PRPF3: variants seen among roughly 807,000 people sequenced by gnomAD.
The protein encoded by PRPF3 is pre-mRNA processing factor 3, also known as U4/U6 small nuclear ribonucleoprotein Prp3.
Under a neutral mutation model 89.2 loss-of-function variants are expected in PRPF3, and 3 were observed. The observed-to-expected ratio is 0.03, with a 90% CI of 0.02 to 0.09. The LOEUF (loss-of-function observed/expected upper bound fraction) is 0.09, where lower values mean the gene tolerates loss of function less well. Ranked by LOEUF, PRPF3 falls within the 10% of genes least tolerant of loss-of-function variation. The pLI, the probability that PRPF3 is intolerant of heterozygous loss-of-function variation, is 1.00. For synonymous variants in PRPF3, 270 were observed against 289.1 expected (o/e 0.93, Z 0.67); for missense variants, 463 against 828.8 (o/e 0.56, Z 5.42).
At chr1:150,328,188 C>T (rs1553864326) in intron 3 of PRPF3, 132 bp from the exon 4 acceptor site, 2 of 989,620 alleles carry the variant, frequency 2.0e-6, no homozygotes, top group African/African-American at 1.6e-5. Flanking sequence ...CTGCTTCTGG[C>T]AGGTGGCTAT....
At position 150,325,736 on chromosome 1, in the gene PRPF3, C is replaced by CT. The variant is rs781950649; in HGVS notation, c.146-12dup. On this transcript the variant is annotated splice_polypyrimidine_tract_variant and intron_variant, in intron 2 of 15. Transcript: ENST00000324862. The stretch of plus-strand genomic sequence containing the variant: ...CTTACCTTTCCAACCCTACCACCGC[C>CT]TTTCTTCCTGTCAGATCATCTGAAA... The CT allele has an allele frequency of 1.7e-5, 27 of 1,611,008 alleles. No homozygotes were observed. The South Asian group carries it at 1.9e-4, about 11-fold the overall frequency.
intron 8 of PRPF3, 144 bp downstream of exon 8, chr1:150,338,470 G>T: frequency 2.8e-6 from 2 of 723,220 alleles, no homozygotes; most frequent in Non-Finnish European, 4.5e-6. Context: ...ATCCAAGAGA[G>T]ATAAGTAACT....
chr1:150,351,666 A>AATTT (rs1658939743), intron 15 of PRPF3, among the ~76,000 whole-genome samples: 2 of 87,154 alleles, frequency 2.3e-5, no homozygotes, highest in South Asian at 7.4e-4. Flanking sequence ...GTGCCTGGCT[A>AATTT]ATTTTTTTTT....
rs1553868450 is a variant in PRPF3 at position 150,337,762 on chromosome 1, T to TCAAA, written c.1036-398_1036-397insCAAA. ...CTGGGTGACAGAGTGAGACTCCGTCTACAAAAAAAAAAAAAAATATTTGGG... is the reference window on the plus strand; with the variant it reads ...CTGGGTGACAGAGTGAGACTCCGTCTCAAAACAAAAAAAAAAAAAAATATTTGGG... On this transcript the variant is annotated intron_variant, in intron 7 of 15. Coordinates refer to ENST00000324862, the MANE Select transcript of PRPF3 (RefSeq NM_004698.4). Among the ~76,000 whole-genome samples the TCAAA allele has an allele frequency of 1.8e-5, 2 of 110,456 alleles. 1 individual carries two copies. Among genetic ancestry groups the TCAAA allele is most frequent in the Non-Finnish European group, 3.6e-5 (2 of 55,786 alleles). 72.5% of individuals were successfully genotyped at this position (110,456 alleles called of 152,430 possible). A position where few individuals can be genotyped will look rare whatever the true frequency, so the allele number is the denominator to read the frequency against.
chr1:150,328,516 A>G, intron 4 of PRPF3, 50 bp downstream of exon 4: 1 of 1,534,508 alleles, frequency 6.5e-7, no homozygotes. Flanking sequence ...TTGAAGAAGC[A>G]AAAGGTGCAT....
At chr1:150,331,807 C>T (rs1391116296) in intron 4 of PRPF3, among the ~76,000 whole-genome samples, 1 of 152,174 alleles carries the variant, frequency 6.6e-6, no homozygotes, top group Non-Finnish European at 1.5e-5. Flanking sequence ...ACCCTCAAAG[C>T]TTATCATTCT....
intron 15 of PRPF3, among the ~76,000 whole-genome samples, chr1:150,350,319 G>C (rs970279406): frequency 6.6e-6 from 1 of 151,464 alleles, no homozygotes; most frequent in South Asian, 2.1e-4. Flanking sequence ...CTCCTGCCTC[G>C]GCCTCCCGAG....
intron 9 of PRPF3, 59 bp from the exon 10 acceptor site, chr1:150,343,242 AAAAAAAAT>A: frequency 4.1e-6 from 3 of 726,040 alleles, no homozygotes; most frequent in East Asian, 6.2e-5. Flanking sequence ...AGAGAGAAAA[AAAAAAAAT>A]ATATATATAT....
intron 10 of PRPF3, among the ~76,000 whole-genome samples, chr1:150,343,718 GA>G (rs1304925517): frequency 6.6e-6 from 1 of 152,158 alleles, no homozygotes; most frequent in East Asian, 1.9e-4. Context: ...GAAATTCATG[GA>G]GATAGTAGTT....
At chr1:150,330,909 G>A (rs1189379096) in intron 4 of PRPF3, among the ~76,000 whole-genome samples, 2 of 150,546 alleles carry the variant, frequency 1.3e-5, no homozygotes, top group African/African-American at 2.4e-5. Context: ...AGTAGAGACG[G>A]GGTTTCACCA....
intron 2 of PRPF3, 45 bp from the exon 3 acceptor site, chr1:150,325,706 G>A (rs1560084446): frequency 6.2e-7 from 1 of 1,601,294 alleles, no homozygotes; most frequent in African/African-American, 1.3e-5. Context: ...ATTAGACTGT[G>A]TACTCTTACC....
At chr1:150,350,137 C>G (rs1658763310) in intron 15 of PRPF3, among the ~76,000 whole-genome samples, 1 of 151,788 alleles carries the variant, frequency 6.6e-6, no homozygotes, top group South Asian at 2.1e-4. Flanking sequence ...CTCAGGTGAT[C>G]CGCCTGCCTC....
At chr1:150,337,946 T>C (rs587702123) in intron 7 of PRPF3, among the ~76,000 whole-genome samples, 1 of 151,958 alleles carries the variant, frequency 6.6e-6, no homozygotes, top group East Asian at 1.9e-4. Flanking sequence ...TGGTGGCACA[T>C]GCCTGTAATC....
chr1:150,333,144 G>A lies in PRPF3; in HGVS notation c.673G>A (p.Gly225Ser), dbSNP rs961027754. 1.2e-6 allele frequency: 2 copies of A among 1,614,182 alleles called. No individual in the cohort carries two copies. Among genetic ancestry groups the A allele is most frequent in the Non-Finnish European group, 1.7e-6 (2 of 1,180,042 alleles). Residue 225 changes from glycine to serine, a missense_variant, in exon 6 of 16, where the codon GGC becomes AGC. Physicochemically the swap from Gly to Ser is moderately conservative, Grantham distance 56 (BLOSUM62 0). Transcript: ENST00000324862. ...AQLALKPGLI[G>S]NANMVGLANL... ...GCTGGCACTGAAGCCAGGACTCATC[G>A]GCAATGCCAACATGGTGGGCCTGGC...
intron 15 of PRPF3, among the ~76,000 whole-genome samples, chr1:150,350,440 C>T (rs115199327): frequency 0.015 from 2,252 of 152,004 alleles, 46 homozygotes; most frequent in African/African-American, 0.051. Context: ...ACCTGAGGTC[C>T]GACTGCCTTG....
At chr1:150,340,296 AC>A in intron 8 of PRPF3, 101 bp from the exon 9 acceptor site, 1 of 808,554 alleles carries the variant, frequency 1.2e-6, no homozygotes. Flanking sequence ...AAGCACAAGA[AC>A]CCATTATAGA....
Position 150,344,563 on chromosome 1 carries a change from G to T in PRPF3, c.1640+16G>T, listed in dbSNP as rs1553872402. ...CTGTATATAGGTAGGTGTCCATACT[G>T]GGCCAAACTTCCCCTTAGAATTACT... is the stretch of plus-strand genomic sequence containing the variant. On this transcript the variant is annotated intron_variant, in intron 12 of 15. Coordinates refer to ENST00000324862, the MANE Select transcript of PRPF3 (RefSeq NM_004698.4). The T allele has an allele frequency of 6.2e-7, 1 of 1,612,758 alleles. No homozygotes were observed. The highest frequency in any genetic ancestry group is 8.5e-7 in the Non-Finnish European group (1 of 1,179,070).
intron 4 of PRPF3, chr1:150,329,698 A>T (rs917494668): frequency 6.6e-6 from 1 of 152,226 alleles, no homozygotes; most frequent in East Asian, 1.9e-4. Context: ...GTAATAGAAC[A>T]TATACAGAAA....
chr1:150,327,930 A>G (rs781855120), intron 3 of PRPF3: 23 of 248,768 alleles, frequency 9.2e-5, no homozygotes, highest in Non-Finnish European at 1.6e-4. Context: ...ACACGCTAAG[A>G]GAATGTGAAA....
Sources: gnomAD v4.1 joint callset for allele counts (sites outside exome capture counted in the v4.1 genomes callset) on GRCh38, gnomAD v4.1.1 for gene constraint, MANE v1.5 for transcripts, NCBI Gene and HGNC (gene_info 2026-07-23, HGNC 2026-07-21) for gene names.